Variants in TOGARAM2 observed in about 807,000 individuals in gnomAD.
The protein encoded by TOGARAM2 is TOG array regulator of axonemal microtubules 2.
Under a neutral mutation model 93.3 loss-of-function variants are expected in TOGARAM2, and 85 were observed. That is an observed-to-expected ratio of 0.91 (90% CI 0.76 to 1.09). The LOEUF (loss-of-function observed/expected upper bound fraction) is 1.09. TOGARAM2 is among the 50% of genes least tolerant of loss of function. The probability of loss-of-function intolerance (pLI) is 0.00; values close to 1 mark genes in which losing one functional copy is unlikely to be tolerated. For synonymous variants in TOGARAM2, 593 were observed against 552.8 expected (o/e 1.07, Z -1.02); for missense variants, 1,277 against 1,334.5 (o/e 0.96, Z 0.67).
chr2:29,017,719 A>G, intron 9 of TOGARAM2, 73 bp from the exon 10 acceptor site: 2 of 1,427,392 alleles, frequency 1.4e-6, no homozygotes, highest in South Asian at 1.5e-5. Flanking sequence ...CCATGGGTCC[A>G]TTTTCAAAGG....
chr2:29,006,347 T>TGGAGTGTGTGC (rs1663846682), intron 6 of TOGARAM2, among the ~76,000 whole-genome samples: 1 of 125,310 alleles, frequency 8.0e-6, no homozygotes, highest in African/African-American at 3.3e-5. Flanking sequence ...TGTATGTGTG[T>TGGAGTGTGTGC]ATGTGTGAGT....
chr2:29,050,529 C>T (rs1281586728), intron 19 of TOGARAM2: 1 of 152,188 alleles, frequency 6.6e-6, no homozygotes, highest in Non-Finnish European at 1.5e-5. Context: ...CTTTCCTCCT[C>T]TGGAAAACGG....
At position 29,035,451 on chromosome 2, in the gene TOGARAM2, G is replaced by A. The variant is rs893806344; in HGVS notation, c.2226-13G>A. 4.4e-6 allele frequency: 6 copies of A among 1,353,546 alleles called. No individual in the cohort carries two copies. Among genetic ancestry groups the A allele is most frequent in the Non-Finnish European group, 5.8e-6 (6 of 1,041,460 alleles). 83.8% of individuals were successfully genotyped at this position (1,353,546 alleles called of 1,614,324 possible). A position where few individuals can be genotyped will look rare whatever the true frequency, so the allele number is the denominator to read the frequency against. On this transcript the variant is annotated splice_polypyrimidine_tract_variant and intron_variant, in intron 16 of 19. Coordinates refer to ENST00000379558, the MANE Select transcript of TOGARAM2 (RefSeq NM_199280.4). ...CTTCCCTGGGGGGTTCAGACGCCACGCTCCTTACCTAGGCTCAGCTGCAAT... is the reference window on the plus strand; with the variant it reads ...CTTCCCTGGGGGGTTCAGACGCCACACTCCTTACCTAGGCTCAGCTGCAAT...
intron 1 of TOGARAM2, among the ~76,000 whole-genome samples, chr2:28,957,215 G>T (rs1325599425): frequency 6.6e-6 from 1 of 152,086 alleles, no homozygotes. Flanking sequence ...GTTTGTTTGA[G>T]ATGGAGTTTT....
In TOGARAM2 at chr2:29,017,855, G is replaced by A. The variant is rs752298206; in HGVS notation, c.1259G>A (p.Arg420Lys). ...CCCACTAGGCTGAGCGGCCCATGCA[G>A]AAACGACGTCAGCATCATCCTGAGG... ...SVPTRLSGPC[R>K]NDVSIILRKW... Residue 420 changes from arginine to lysine, a missense_variant, in exon 10 of 20, where the codon AGA (arginine) becomes AAA (lysine). By Grantham distance (26) the Arg-to-Lys change is conservative. Transcript: ENST00000379558. 2.3e-4 allele frequency: 369 copies of A among 1,613,558 alleles called. No individual in the cohort carries two copies. The highest frequency in any genetic ancestry group is 3.0e-4 in the Non-Finnish European group (351 of 1,179,724).
intron 1 of TOGARAM2, among the ~76,000 whole-genome samples, chr2:28,982,317 G>A (rs1049346052): frequency 6.6e-6 from 1 of 152,194 alleles, no homozygotes; most frequent in South Asian, 2.1e-4. Context: ...TGCTGGCGGG[G>A]GACCTCAGAG....
In TOGARAM2 at chr2:28,999,479, G is replaced by T; in HGVS notation, c.427+11G>T. The T allele has an allele frequency of 6.3e-7, 1 of 1,582,502 alleles. No homozygotes were observed. The highest frequency in any genetic ancestry group is 8.6e-7 in the Non-Finnish European group (1 of 1,163,528). ...CAGCGTCTTCCCGAGGTGAGCACTGGCCCCTGCCCACCCCTCACCCACCCA... is the reference window on the plus strand; with the variant it reads ...CAGCGTCTTCCCGAGGTGAGCACTGTCCCCTGCCCACCCCTCACCCACCCA... On this transcript the variant is annotated intron_variant, in intron 4 of 19. Coordinates refer to ENST00000379558, the MANE Select transcript of TOGARAM2 (RefSeq NM_199280.4).
intron 1 of TOGARAM2, among the ~76,000 whole-genome samples, chr2:28,990,040 G>A (rs1672645006): frequency 6.6e-6 from 1 of 152,210 alleles, no homozygotes; most frequent in South Asian, 2.1e-4. Context: ...CTCCCTGCAG[G>A]TCTACGGCCT....
chr2:29,040,131 A>C (rs951507503), intron 18 of TOGARAM2, among the ~76,000 whole-genome samples: 5 of 152,182 alleles, frequency 3.3e-5, no homozygotes, highest in African/African-American at 1.2e-4. Context: ...CCTCCAATAT[A>C]CCAACTGCTT....
intron 1 of TOGARAM2, among the ~76,000 whole-genome samples, chr2:28,992,139 G>T (rs7578007): frequency 0.44 from 67,223 of 151,960 alleles, 16,784 homozygotes; most frequent in East Asian, 0.77. Flanking sequence ...AGTGGTGTCT[G>T]CCCTGTCCAC....
chr2:29,051,852 G>A lies in TOGARAM2; in HGVS notation c.2819G>A (p.Gly940Asp). Reference protein sequence around the residue: ...WHFLNTATRNGTLPGPSGNIR... With the variant: ...WHFLNTATRNDTLPGPSGNIR... The stretch of plus-strand genomic sequence containing the variant: ...TTCCTGAACACCGCCACCAGGAATG[G>A]CACCCTGCCTGGACCCAGCGGGAAC... Residue 940 changes from glycine (G) to aspartate (D), a missense_variant, in exon 20 of 20, where the codon GGC becomes GAC. Coordinates refer to ENST00000379558, the MANE Select transcript of TOGARAM2 (RefSeq NM_199280.4). The A allele has an allele frequency of 6.4e-7, 1 of 1,568,190 alleles. No homozygotes were observed. The highest frequency in any genetic ancestry group is 8.6e-7 in the Non-Finnish European group (1 of 1,156,684).
chr2:29,023,045 C>G, intron 11 of TOGARAM2, 41 bp from the exon 12 acceptor site: 1 of 1,534,456 alleles, frequency 6.5e-7, no homozygotes, highest in East Asian at 2.4e-5. Flanking sequence ...GGGCTCCTCC[C>G]TCTCCACCCT....
In TOGARAM2 at chr2:29,005,782, CTGTG is replaced by C. The variant is rs148153906; in HGVS notation, c.830+2105_830+2108del. On this transcript the variant is annotated intron_variant, in intron 6 of 19. Coordinates refer to ENST00000379558, the MANE Select transcript of TOGARAM2 (RefSeq NM_199280.4). The stretch of plus-strand genomic sequence containing the variant: ...GTGTGTGAGTACATGTGTGGAGTAT[CTGTG>C]TGTGCATGTGTATGAGTGCATGTGT... Among the ~76,000 whole-genome samples the C allele has an allele frequency of 9.2e-4, 111 of 120,772 alleles. 16 individuals are homozygous for C. The highest frequency in any genetic ancestry group is 1.5e-3 in the Non-Finnish European group (88 of 58,522). The allele number at this position is 120,772 out of a possible 152,430, so 79.2% of individuals were successfully genotyped here. A position where few individuals can be genotyped will look rare whatever the true frequency, so the allele number is the denominator to read the frequency against.
At chr2:28,959,872 G>T (rs1033748407) in intron 1 of TOGARAM2, among the ~76,000 whole-genome samples, 1 of 152,244 alleles carries the variant, frequency 6.6e-6, no homozygotes. Flanking sequence ...AGGTGAAATT[G>T]TGTCATTGTG....
At chr2:29,009,635 A>AGAT (rs1664102397) in intron 6 of TOGARAM2, among the ~76,000 whole-genome samples, 1 of 152,222 alleles carries the variant, frequency 6.6e-6, no homozygotes, top group African/African-American at 2.4e-5. Context: ...GCCACTGGAC[A>AGAT]GATACTGGCA....
chr2:29,010,690 C>G (rs1413828391), intron 6 of TOGARAM2, among the ~76,000 whole-genome samples: 7 of 152,024 alleles, frequency 4.6e-5, no homozygotes, highest in African/African-American at 1.7e-4. Context: ...ATGTAGGACG[C>G]TGCAGGGCTG....
rs112927284 is a variant in TOGARAM2 at position 29,045,712 on chromosome 2, G to A, written c.2722+302G>A. The A allele has an allele frequency of 7.8e-3, 3,025 of 387,858 alleles. 39 individuals are homozygous for A. Among genetic ancestry groups the A allele is most frequent in the Middle Eastern group, 0.018 (25 of 1,352 alleles). The allele number at this position is 387,858 out of a possible 1,614,324, so 24.0% of individuals were successfully genotyped here. On this transcript the variant is annotated intron_variant, in intron 19 of 19. Coordinates refer to ENST00000379558, the MANE Select transcript of TOGARAM2 (RefSeq NM_199280.4). ...CTCCAAAACCTGAAACTTTTTGAGC[G>A]CTGACATGACATTAAAAGAAAATGT...
chr2:29,045,714 T>G (rs1027621583), intron 19 of TOGARAM2: 81 of 383,746 alleles, frequency 2.1e-4, no homozygotes, highest in African/African-American at 1.6e-3. Flanking sequence ...TTTTGAGCGC[T>G]GACATGACAT....
At chr2:28,973,877 T>C (rs1160866575) in intron 1 of TOGARAM2, among the ~76,000 whole-genome samples, 1 of 152,164 alleles carries the variant, frequency 6.6e-6, no homozygotes, top group African/African-American at 2.4e-5. Flanking sequence ...CAAATTCTCT[T>C]AGTTTTCTTT....
Sources: gnomAD v4.1 joint callset for allele counts (sites outside exome capture counted in the v4.1 genomes callset) on GRCh38, gnomAD v4.1.1 for gene constraint, MANE v1.5 for transcripts, NCBI Gene and HGNC (gene_info 2026-07-23, HGNC 2026-07-21) for gene names.